Variants in REST observed in about 807,000 individuals in gnomAD.
REST encodes RE1-silencing transcription factor.
In REST, 1 loss-of-function variant was observed where a neutral mutation model predicts 30.4. The ratio of observed to expected loss-of-function variants is 0.03; its 90% CI spans 0.01 to 0.16. The LOEUF (loss-of-function observed/expected upper bound fraction) is 0.16. REST is among the 10% of genes least tolerant of loss of function. The pLI is 1.00. For missense variants in REST, 1,259 were observed against 1,329.5 expected, an observed-to-expected ratio of 0.95 and a Z score of 0.82; for synonymous variants, 504 against 451.1, an observed-to-expected ratio of 1.12 and a Z score of -1.49.
chr4:56,917,167 C>G (rs571199334), intron 2 of REST, among the ~76,000 whole-genome samples: 1 of 152,122 alleles, frequency 6.6e-6, no homozygotes, highest in South Asian at 2.1e-4. Context: ...CTTTTTTTTA[C>G]AGAATTCCAT....
At chr4:56,912,951 T>A (rs1460284153) in intron 2 of REST, among the ~76,000 whole-genome samples, 1 of 135,542 alleles carries the variant, frequency 7.4e-6, no homozygotes, top group African/African-American at 2.7e-5. Flanking sequence ...CAGCCGAAAC[T>A]TTTTTTTTTT....
chr4:56,916,751 A>G (rs1417893329), intron 2 of REST, among the ~76,000 whole-genome samples: 1 of 152,262 alleles, frequency 6.6e-6, no homozygotes, highest in Non-Finnish European at 1.5e-5. Context: ...TATGCAGTTC[A>G]CTATATATTG....
chr4:56,931,775 A>T lies in REST; in HGVS notation c.2917A>T (p.Met973Leu). The T allele has an allele frequency of 1.2e-6, 2 of 1,614,180 alleles. No homozygotes were observed. Among genetic ancestry groups the T allele is most frequent in the Non-Finnish European group, 1.7e-6 (2 of 1,180,034 alleles). Residue 973 changes from methionine to leucine, a missense_variant, in exon 4 of 4, where the codon ATG (methionine) becomes TTG (leucine). Coordinates refer to ENST00000309042, the MANE Select transcript of REST (RefSeq NM_005612.5). ...AACAGTTGAAGAACCAGTTTCACCA[A>T]TGCTTCCCCCTTCAGCAGTAGAAGA... ...NSTVEEPVSP[M>L]LPPSAVEERE... is the part of the protein sequence containing the mutation.
intron 3 of REST, among the ~76,000 whole-genome samples, chr4:56,928,595 T>C (rs965120208): frequency 1.3e-5 from 2 of 150,580 alleles, no homozygotes; most frequent in Non-Finnish European, 3.0e-5. Context: ...TTTTTTTTTT[T>C]TTCTTTTTGT....
Position 56,932,236 on chromosome 4 carries a change from A to G in REST, c.*84A>G. The stretch of plus-strand genomic sequence containing the variant: ...ATTTATGATAGCAGACAACCTTTTA[A>G]GATTGCTTTAATTAGTATCTGATGT... On this transcript the variant is annotated 3_prime_UTR_variant, in exon 4 of 4. Transcript: ENST00000309042. 7.1e-7 allele frequency: 1 copy of G among 1,413,538 alleles called. No individual in the cohort carries two copies. The highest frequency in any genetic ancestry group is 2.3e-5 in the East Asian group (1 of 43,338). 87.6% of individuals were successfully genotyped at this position (1,413,538 alleles called of 1,614,324 possible).
chr4:56,927,520 T>C (rs1720767717), intron 3 of REST: 1 of 410,960 alleles, frequency 2.4e-6, no homozygotes, highest in Non-Finnish European at 3.4e-6. Flanking sequence ...TTTATGAAAA[T>C]TTTTAGTACA....
intron 2 of REST, among the ~76,000 whole-genome samples, chr4:56,918,458 A>G (rs1720304497): frequency 6.6e-6 from 1 of 152,084 alleles, no homozygotes; most frequent in Admixed American, 6.6e-5. Context: ...ATGCCACCAC[A>G]CTCCAGTCTG....
intron 1 of REST, among the ~76,000 whole-genome samples, chr4:56,908,462 C>T (rs1005239685): frequency 2.6e-5 from 4 of 152,020 alleles, no homozygotes; most frequent in African/African-American, 4.8e-5. Context: ...GCCTGGACCC[C>T]CTCCCCACTG....
In REST at chr4:56,932,362, G is replaced by GT. The variant is rs1721006337; in HGVS notation, c.*211dup. 2.0e-6 allele frequency: 1 copy of GT among 512,232 alleles called. No individual in the cohort carries two copies. The highest frequency in any genetic ancestry group is 3.4e-6 in the Non-Finnish European group (1 of 296,290). 31.7% of individuals were successfully genotyped at this position (512,232 alleles called of 1,614,324 possible). On this transcript the variant is annotated 3_prime_UTR_variant, in exon 4 of 4. Coordinates refer to ENST00000309042, the MANE Select transcript of REST (RefSeq NM_005612.5). ...CTAAGAGAGTGTACTAAACCAGCAGGTATCTGTTAGCTTATGTGTTTAATT... is the reference window on the plus strand; with the variant it reads ...CTAAGAGAGTGTACTAAACCAGCAGGTTATCTGTTAGCTTATGTGTTTAATT...
intron 3 of REST, among the ~76,000 whole-genome samples, chr4:56,929,334 G>A (rs1278687245): frequency 6.6e-6 from 1 of 152,108 alleles, no homozygotes; most frequent in Non-Finnish European, 1.5e-5. Flanking sequence ...GCCTCCCAAA[G>A]TTAATTTTGT....
In REST at chr4:56,911,162, T is replaced by C. The variant is rs1178455302; in HGVS notation, c.524T>C (p.Val175Ala). ...QYEAESEEQFVHHIRVHSAKK... is the reference protein window; with the variant it reads ...QYEAESEEQFAHHIRVHSAKK... ...GAAGCAGAATCTGAAGAACAGTTTG[T>C]GCATCACATCAGAGTTCACAGTGCT... The change falls in exon 2 of 4, where the codon GTG (valine) becomes GCG (alanine). Residue 175 changes from valine to alanine, a missense_variant. This residue lies in a region of REST where 249 missense variants were observed against 251.5 expected (regional missense o/e 0.99). Transcript: ENST00000309042. The C allele has an allele frequency of 1.2e-6, 2 of 1,614,212 alleles. No individual in the cohort carries two copies. The highest frequency in any genetic ancestry group is 1.7e-6 in the Non-Finnish European group (2 of 1,180,038).
At chr4:56,920,503 C>T (rs921055046) in intron 3 of REST, among the ~76,000 whole-genome samples, 4 of 151,828 alleles carry the variant, frequency 2.6e-5, no homozygotes, top group Non-Finnish European at 5.9e-5. Flanking sequence ...GGCTCACGCC[C>T]TTAATCCCAG....
chr4:56,928,616 C>A (rs1176628424), intron 3 of REST, among the ~76,000 whole-genome samples: 2 of 145,758 alleles, frequency 1.4e-5, no homozygotes, highest in African/African-American at 2.5e-5. Flanking sequence ...GAGACAAAGT[C>A]TTACTGTCGC....
chr4:56,918,981 C>CTT (rs1296441743), intron 2 of REST, among the ~76,000 whole-genome samples: 1 of 148,042 alleles, frequency 6.8e-6, no homozygotes, highest in Non-Finnish European at 1.5e-5. Flanking sequence ...TCAGCCCAGG[C>CTT]TATTTTTTTT....
At chr4:56,913,712 G>C (rs1025784552) in intron 2 of REST, among the ~76,000 whole-genome samples, 1 of 152,052 alleles carries the variant, frequency 6.6e-6, no homozygotes, top group East Asian at 1.9e-4. Flanking sequence ...GCAGTGACGC[G>C]ATCTCGGCTC....
chr4:56,912,164 C>G (rs1166705183), intron 2 of REST, among the ~76,000 whole-genome samples: 1 of 152,108 alleles, frequency 6.6e-6, no homozygotes, highest in Non-Finnish European at 1.5e-5. Context: ...AACAACTTGT[C>G]TTTGTCCACA....
intron 2 of REST, among the ~76,000 whole-genome samples, chr4:56,919,280 C>G (rs1281683642): frequency 2.6e-5 from 4 of 152,042 alleles, no homozygotes; most frequent in African/African-American, 9.7e-5. Flanking sequence ...AACTCTACCA[C>G]TTGAAAATTT....
At position 56,933,411 on chromosome 4, in the gene REST, A is replaced by G. The variant is rs528500809; in HGVS notation, c.*1259A>G. ...ATAGAATATCACTTGGGAGATTCCAAAGCCATAGCTATTACGCGGCAAACC... is the reference window on the plus strand; with the variant it reads ...ATAGAATATCACTTGGGAGATTCCAGAGCCATAGCTATTACGCGGCAAACC... On this transcript the variant is annotated 3_prime_UTR_variant, in exon 4 of 4. Transcript: ENST00000309042. The G allele has an allele frequency of 6.6e-6, 1 of 152,344 alleles. No individual in the cohort carries two copies. The highest frequency in any genetic ancestry group is 1.9e-4 in the East Asian group (1 of 5,194). 9.4% of individuals were successfully genotyped at this position (152,344 alleles called of 1,614,324 possible).
intron 2 of REST, among the ~76,000 whole-genome samples, chr4:56,914,450 A>G (rs982509954): frequency 2.0e-5 from 3 of 152,174 alleles, no homozygotes. Flanking sequence ...AATTTGTCAT[A>G]AGCTGTGATT....
Sources: allele counts gnomAD v4.1 joint callset (sites outside exome capture counted in the v4.1 genomes callset), GRCh38; gene constraint gnomAD v4.1.1; regional missense constraint gnomAD v4.1.1; transcripts MANE v1.5; gene names NCBI Gene and HGNC (gene_info 2026-07-23, HGNC 2026-07-21).